The following TTC23 variants were observed in gnomAD, a reference collection of about 807,000 sequenced individuals.
TTC23 encodes tetratricopeptide repeat domain 23, also known as tetratricopeptide repeat protein 23.
In TTC23, 58 loss-of-function variants were observed where a neutral mutation model predicts 55.1. The ratio of observed to expected loss-of-function variants is 1.05; its 90% CI spans 0.85 to 1.31. The LOEUF (loss-of-function observed/expected upper bound fraction) is 1.31. Ranked by LOEUF, TTC23 falls within the 50% of genes most tolerant of loss-of-function variation. The pLI, the probability that TTC23 is intolerant of heterozygous loss-of-function variation, is 0.00. For synonymous variants in TTC23, 203 were observed against 199.9 expected (o/e 1.02, Z -0.13); for missense variants, 516 against 534.4 (o/e 0.97, Z 0.34).
chr15:99,142,570 G>C (rs1489272949), intron 12 of TTC23, among the ~76,000 whole-genome samples: 3 of 152,178 alleles, frequency 2.0e-5, no homozygotes, highest in Non-Finnish European at 4.4e-5. Context: ...TGAGGTCTCA[G>C]TTCACTCTGC....
At chr15:99,179,339 G>T (rs1176703720) in intron 9 of TTC23, among the ~76,000 whole-genome samples, 1 of 151,968 alleles carries the variant, frequency 6.6e-6, no homozygotes, top group Non-Finnish European at 1.5e-5. Context: ...CTACTCCACC[G>T]CCCCCTGACA....
At chr15:99,158,180 T>C (rs780290649) in intron 11 of TTC23, 6 of 152,280 alleles carry the variant, frequency 3.9e-5, no homozygotes, top group South Asian at 2.1e-4. Flanking sequence ...CTGAGGTACA[T>C]GAGGGACTAG....
At chr15:99,198,108 C>T (rs1236683250) in intron 9 of TTC23, among the ~76,000 whole-genome samples, 1 of 152,142 alleles carries the variant, frequency 6.6e-6, no homozygotes, top group African/African-American at 2.4e-5. Context: ...GTGATCTCGT[C>T]CTCTCCCAGG....
chr15:99,172,394 C>T (rs1317500854), intron 10 of TTC23, among the ~76,000 whole-genome samples: 1 of 152,172 alleles, frequency 6.6e-6, no homozygotes, highest in Non-Finnish European at 1.5e-5. Context: ...GCTCCTGGGC[C>T]CCAGGCCTTC....
At chr15:99,249,979 G>A (rs1260188892), upstream of TTC23, among the ~76,000 whole-genome samples, 1 of 151,950 alleles carries the variant, frequency 6.6e-6, no homozygotes, top group Non-Finnish European at 1.5e-5. Context: ...ATTAATCACT[G>A]AAAAACAGTA....
At chr15:99,248,333 A>AT (rs2080440717) in intron 1 of TTC23, 1 of 152,202 alleles carries the variant, frequency 6.6e-6, no homozygotes, top group Non-Finnish European at 1.5e-5. Flanking sequence ...CAGGACCCAA[A>AT]CCCCTGATTT....
At chr15:99,152,203 C>T (rs2069867057) in intron 12 of TTC23, among the ~76,000 whole-genome samples, 2 of 152,130 alleles carry the variant, frequency 1.3e-5, no homozygotes, top group South Asian at 4.1e-4. Flanking sequence ...TCCTGCTTTC[C>T]CCATGCGACG....
intron 9 of TTC23, among the ~76,000 whole-genome samples, chr15:99,187,346 T>A (rs1368938714): frequency 6.7e-6 from 1 of 150,196 alleles, no homozygotes; most frequent in East Asian, 2.0e-4. Context: ...AAAACCCATG[T>A]GTAAGAGCTA....
chr15:99,245,648 T>A (rs1468825868), intron 1 of TTC23, 138 bp from the exon 2 acceptor site: 3 of 152,106 alleles, frequency 2.0e-5, no homozygotes, highest in African/African-American at 7.2e-5. Flanking sequence ...AACAGTCTTT[T>A]CAATAAACAA....
intron 2 of TTC23, among the ~76,000 whole-genome samples, chr15:99,243,760 C>A (rs12593449): frequency 0.42 from 63,214 of 151,892 alleles, 13,327 homozygotes; most frequent in Middle Eastern, 0.59. Flanking sequence ...TTTATGAGAG[C>A]TAAAAATTAA....
intron 9 of TTC23, among the ~76,000 whole-genome samples, chr15:99,189,853 T>C (rs767116116): frequency 4.6e-5 from 7 of 152,094 alleles, no homozygotes; most frequent in Non-Finnish European, 7.4e-5. Context: ...ATTGGGACAA[T>C]GGACAAAATG....
At chr15:99,211,965 T>A (rs1281697775) in intron 8 of TTC23, among the ~76,000 whole-genome samples, 1 of 152,176 alleles carries the variant, frequency 6.6e-6, no homozygotes, top group Non-Finnish European at 1.5e-5. Context: ...AGTGTTGGGA[T>A]TACAGGCATG....
At chr15:99,168,768 TCTC>T (rs753154347) in intron 10 of TTC23, among the ~76,000 whole-genome samples, 3 of 152,004 alleles carry the variant, frequency 2.0e-5, no homozygotes, top group African/African-American at 4.8e-5. Flanking sequence ...ACAGGCCTCC[TCTC>T]CTCCTCCTCC....
At chr15:99,145,824 G>A (rs1233765750) in intron 12 of TTC23, among the ~76,000 whole-genome samples, 1 of 152,152 alleles carries the variant, frequency 6.6e-6, no homozygotes, top group Non-Finnish European at 1.5e-5. Flanking sequence ...GAGAAACACA[G>A]GGAAGGTGGG....
At chr15:99,206,007 T>C (rs938683928) in intron 8 of TTC23, among the ~76,000 whole-genome samples, 1 of 152,148 alleles carries the variant, frequency 6.6e-6, no homozygotes, top group Admixed American at 6.5e-5. Flanking sequence ...TAAGTTCCTT[T>C]AAGTCCTTGT....
chr15:99,137,012 TCTG>T lies in TTC23; in HGVS notation c.*995_*997del, dbSNP rs1440720984. ...TGGAGGGGAGGGCCCTGTGCTGCAA[TCTG>T]CTGTCATAGCACCAGCCTGCAGCCT... On this transcript the variant is annotated 3_prime_UTR_variant, in exon 14 of 14. Transcript: ENST00000394132. The T allele has an allele frequency of 1.3e-5, 2 of 152,214 alleles. No individual in the cohort carries two copies. The highest frequency in any genetic ancestry group is 2.9e-5 in the Non-Finnish European group (2 of 68,088). 9.4% of individuals were successfully genotyped at this position (152,214 alleles called of 1,614,324 possible). A position where few individuals can be genotyped will look rare whatever the true frequency, so the allele number is the denominator to read the frequency against.
intron 11 of TTC23, among the ~76,000 whole-genome samples, chr15:99,161,335 C>T (rs922753838): frequency 1.2e-4 from 19 of 152,252 alleles, no homozygotes; most frequent in South Asian, 6.2e-4. Context: ...TTGTACGAAT[C>T]AATACTAAAC....
intron 4 of TTC23, among the ~76,000 whole-genome samples, chr15:99,231,884 C>T (rs1025585487): frequency 1.3e-5 from 2 of 151,742 alleles, no homozygotes; most frequent in Admixed American, 1.3e-4. Flanking sequence ...CCTCTACCCC[C>T]CAGGTTCAAG....
intron 9 of TTC23, among the ~76,000 whole-genome samples, chr15:99,184,321 A>G (rs2074457269): frequency 6.6e-6 from 1 of 152,102 alleles, no homozygotes; most frequent in Non-Finnish European, 1.5e-5. Flanking sequence ...GACAGCTTGC[A>G]CCGTGCTCTG....
Sources: allele counts gnomAD v4.1 joint callset (sites outside exome capture counted in the v4.1 genomes callset), GRCh38; gene constraint gnomAD v4.1.1; transcripts MANE v1.5; gene names NCBI Gene and HGNC (gene_info 2026-07-23, HGNC 2026-07-21).